The following DRC8 variants were observed in gnomAD, a reference collection of about 807,000 sequenced individuals.
DRC8 encodes dynein regulatory complex subunit 8, also known as dynein regulatory complex protein 8.
chr1:245,041,299 G>GA, the DRC8 span, among the ~76,000 whole-genome samples: 4 of 152,216 alleles, frequency 2.6e-5, no homozygotes, highest in African/African-American at 9.7e-5. Flanking sequence ...AAATGACGTA[G>GA]AGCATTACAT....
chr1:245,035,462 G>A, the DRC8 span, among the ~76,000 whole-genome samples: 2 of 152,036 alleles, frequency 1.3e-5, no homozygotes, highest in African/African-American at 2.4e-5. Context: ...AAGACAATTC[G>A]ATAGAAAAAA....
chr1:245,086,665 C>T, the DRC8 span: 2 of 519,016 alleles, frequency 3.9e-6, no homozygotes, highest in South Asian at 2.9e-5. Context: ...TGCTTCTATG[C>T]CAGGTACTGT....
At chr1:245,099,191 C>T in the DRC8 span, among the ~76,000 whole-genome samples, 2 of 152,166 alleles carry the variant, frequency 1.3e-5, no homozygotes, top group Non-Finnish European at 2.9e-5. Context: ...CCTACATCAT[C>T]GCCTGAGCAG....
chr1:244,985,883 A>G, the DRC8 span, among the ~76,000 whole-genome samples: 1 of 151,902 alleles, frequency 6.6e-6, no homozygotes, highest in Non-Finnish European at 1.5e-5. Flanking sequence ...AAAAATACAT[A>G]ATTGTTATAA....
chr1:245,024,126 T>G, the DRC8 span, among the ~76,000 whole-genome samples: 22 of 152,160 alleles, frequency 1.4e-4, no homozygotes, highest in African/African-American at 5.3e-4. Context: ...GCCGAGATTG[T>G]GCCACTGCAC....
At chr1:245,014,594 G>A in the DRC8 span, among the ~76,000 whole-genome samples, 1 of 149,098 alleles carries the variant, frequency 6.7e-6, no homozygotes, top group African/African-American at 2.5e-5. Context: ...ACATTTACGT[G>A]AAGTAATTAA....
chr1:244,987,599 TC>T, the DRC8 span, among the ~76,000 whole-genome samples: 2 of 151,266 alleles, frequency 1.3e-5, no homozygotes, highest in Admixed American at 6.6e-5. Flanking sequence ...ACCACCTCTC[TC>T]CCCTGACCCC....
chr1:245,087,464 C>T, the DRC8 span: 2 of 1,429,180 alleles, frequency 1.4e-6, no homozygotes, highest in African/African-American at 2.9e-5. Context: ...TATTTAATAC[C>T]TTGTGACATA....
chr1:245,072,865 C>G, the DRC8 span, among the ~76,000 whole-genome samples: 1 of 152,062 alleles, frequency 6.6e-6, no homozygotes, highest in Non-Finnish European at 1.5e-5. Flanking sequence ...TCTCTTGCTC[C>G]TGTTCTGGCC....
the DRC8 span, among the ~76,000 whole-genome samples, chr1:245,039,496 G>A: frequency 2.0e-5 from 3 of 150,446 alleles, no homozygotes; most frequent in African/African-American, 7.3e-5. Context: ...AAAAGAGTTT[G>A]TGTATCCTTC....
the DRC8 span, among the ~76,000 whole-genome samples, chr1:245,090,682 A>G: frequency 6.8e-6 from 1 of 147,022 alleles, no homozygotes; most frequent in African/African-American, 2.6e-5. Flanking sequence ...ATTTCTGTTT[A>G]CGTTTTTTTT....
chr1:245,008,147 G>A, the DRC8 span, among the ~76,000 whole-genome samples: 1 of 142,478 alleles, frequency 7.0e-6, no homozygotes, highest in African/African-American at 2.7e-5. Flanking sequence ...CAGCACTTCA[G>A]CCTGGGACAG....
the DRC8 span, among the ~76,000 whole-genome samples, chr1:245,068,719 G>C: frequency 1.3e-5 from 2 of 151,970 alleles, no homozygotes; most frequent in Non-Finnish European, 2.9e-5. Context: ...AGGGATTACA[G>C]GTGTGAGCAT....
chr1:244,975,729 G>A, the DRC8 span, among the ~76,000 whole-genome samples: 9 of 151,930 alleles, frequency 5.9e-5, no homozygotes, highest in Non-Finnish European at 1.0e-4. Context: ...GTGTGGTGGC[G>A]CGTGCCTGTA....
chr1:245,030,899 AACTGCATCAGCCCC>A, the DRC8 span: 1 of 152,238 alleles, frequency 6.6e-6, no homozygotes, highest in Admixed American at 6.5e-5. Flanking sequence ...AGCAGAGCTC[AACTGCATCAGCCCC>A]TCTCTTGCAC....
At chr1:244,985,559 A>G in the DRC8 span, among the ~76,000 whole-genome samples, 1 of 152,178 alleles carries the variant, frequency 6.6e-6, no homozygotes, top group African/African-American at 2.4e-5. Flanking sequence ...GGAGAGAACC[A>G]TTAAAGAGTT....
chr1:244,970,175 C>G, the DRC8 span: 1 of 705,988 alleles, frequency 1.4e-6, no homozygotes, highest in South Asian at 1.5e-5. Flanking sequence ...AGGGACAAGG[C>G]CGGGGGCCGG....
the DRC8 span, among the ~76,000 whole-genome samples, chr1:245,066,807 T>C: frequency 2.0e-5 from 3 of 152,110 alleles, no homozygotes; most frequent in South Asian, 6.2e-4. Flanking sequence ...CTCGGGAGGC[T>C]GAGGCAGGAG....
the DRC8 span, among the ~76,000 whole-genome samples, chr1:244,996,182 CAG>C: frequency 6.6e-6 from 1 of 152,160 alleles, no homozygotes; most frequent in Admixed American, 6.5e-5. Context: ...ATTGGTTGGG[CAG>C]AGACTCTGCT....
Sources: allele counts gnomAD v4.1 joint callset (sites outside exome capture counted in the v4.1 genomes callset), GRCh38; gene constraint gnomAD v4.1.1; transcripts MANE v1.5; gene names NCBI Gene and HGNC (gene_info 2026-07-23, HGNC 2026-07-21).